Variants in FANCL observed in about 807,000 individuals in gnomAD.
The protein encoded by FANCL is E3 ubiquitin-protein ligase FANCL.
In FANCL, 69 loss-of-function variants were observed where a neutral mutation model predicts 59.4. The ratio of observed to expected loss-of-function variants is 1.16; its 90% CI spans 0.96 to 1.42. The LOEUF (loss-of-function observed/expected upper bound fraction) is 1.42. Ranked by LOEUF, FANCL falls within the 40% of genes most tolerant of loss-of-function variation. The pLI is 0.00. For missense variants in FANCL, 519 were observed against 447.2 expected (o/e 1.16, Z -1.45); for synonymous variants, 180 against 147.1 (o/e 1.22, Z -1.62).
At chr2:58,172,488 A>G (rs1000747419) in intron 7 of FANCL, among the ~76,000 whole-genome samples, 4 of 152,202 alleles carry the variant, frequency 2.6e-5, no homozygotes, top group African/African-American at 9.7e-5. Flanking sequence ...ACCCAGGCAA[A>G]CAGGGTCTGG....
intron 7 of FANCL, among the ~76,000 whole-genome samples, chr2:58,191,880 AAT>A (rs1289454166): frequency 6.6e-6 from 1 of 151,846 alleles, no homozygotes; most frequent in Non-Finnish European, 1.5e-5. Flanking sequence ...ACAACACCCC[AAT>A]TTGTTCTCAT....
chr2:58,184,977 CT>C (rs1340430822), intron 7 of FANCL, among the ~76,000 whole-genome samples: 5 of 152,210 alleles, frequency 3.3e-5, no homozygotes, highest in East Asian at 1.9e-4. Flanking sequence ...TTTAAAAAAT[CT>C]ATTTGTTGGT....
chr2:58,177,825 C>T (rs187009527), intron 7 of FANCL, among the ~76,000 whole-genome samples: 9 of 145,822 alleles, frequency 6.2e-5, no homozygotes, highest in Admixed American at 2.7e-4. Context: ...ACAAAAAAAA[C>T]CCAAATAGAC....
At chr2:58,169,897 G>C (rs1686380753) in intron 7 of FANCL, among the ~76,000 whole-genome samples, 1 of 152,132 alleles carries the variant, frequency 6.6e-6, no homozygotes, top group Non-Finnish European at 1.5e-5. Context: ...AGAAATATCA[G>C]ACTATGTGAA....
chr2:58,171,066 A>C (rs533978456), intron 7 of FANCL, among the ~76,000 whole-genome samples: 7 of 152,284 alleles, frequency 4.6e-5, no homozygotes, highest in African/African-American at 1.2e-4. Flanking sequence ...AAATTAACAA[A>C]ACATACATTC....
chr2:58,208,644 G>C (rs762438552), intron 5 of FANCL, among the ~76,000 whole-genome samples: 2 of 152,114 alleles, frequency 1.3e-5, no homozygotes, highest in Non-Finnish European at 2.9e-5. Flanking sequence ...TCAAAAGACA[G>C]ACTGAAGACC....
intron 4 of FANCL, 135 bp from the exon 5 acceptor site, chr2:58,222,177 G>A: frequency 3.1e-6 from 2 of 637,122 alleles, no homozygotes; most frequent in Non-Finnish European, 5.7e-6. Flanking sequence ...AAATCTGGCT[G>A]ACTCATTCCC....
intron 5 of FANCL, among the ~76,000 whole-genome samples, chr2:58,217,142 GATTTATATATATATTT>G (rs1691811044): frequency 1.5e-5 from 1 of 64,968 alleles, no homozygotes; most frequent in Non-Finnish European, 3.2e-5. Flanking sequence ...TTTATATATA[GATTTATATATATATTT>G]ATATATTTTA....
At chr2:58,231,999 C>T (rs1268668834) in intron 2 of FANCL, 55 bp downstream of exon 2, 11 of 1,419,620 alleles carry the variant, frequency 7.7e-6, no homozygotes, top group Non-Finnish European at 1.1e-5. Context: ...ACCAAATGTA[C>T]TGCCTGTCCC....
chr2:58,160,023 CTG>C (rs1464386210), intron 13 of FANCL, 83 bp downstream of exon 13: 6 of 1,590,874 alleles, frequency 3.8e-6, no homozygotes, highest in South Asian at 1.1e-5. Context: ...TTTAGATAAA[CTG>C]ATATACTATA....
rs1690335736 is a variant in FANCL at position 58,204,164 on chromosome 2, C to T, written c.437G>A (p.Arg146Lys). 4.3e-6 allele frequency: 7 copies of T among 1,613,230 alleles called. No homozygotes were observed. The highest frequency in any genetic ancestry group is 4.0e-5 in the African/African-American group (3 of 74,970). Residue 146 changes from arginine to lysine, a missense_variant, in exon 6 of 14, where the codon AGA becomes AAA. By Grantham distance (26) the Arg-to-Lys change is conservative. Coordinates refer to ENST00000233741, the MANE Select transcript of FANCL (RefSeq NM_018062.4). ...CAACTTGAGAGTGATTAAATGCTCTCTACCAGAAGCATCTTCTGCTTTTAA... is the reference window on the plus strand; with the variant it reads ...CAACTTGAGAGTGATTAAATGCTCTTTACCAGAAGCATCTTCTGCTTTTAA... Reference protein sequence around the residue: ...IKLKAEDASGREHLITLKLKA... With the variant: ...IKLKAEDASGKEHLITLKLKA...
chr2:58,187,745 G>C (rs1558770316), intron 7 of FANCL, among the ~76,000 whole-genome samples: 1 of 152,060 alleles, frequency 6.6e-6, no homozygotes, highest in Non-Finnish European at 1.5e-5. Flanking sequence ...TAGTAAAAGT[G>C]TTATCCTTGA....
intron 6 of FANCL, among the ~76,000 whole-genome samples, chr2:58,201,418 ACAGT>A (rs1476589685): frequency 6.6e-6 from 1 of 151,906 alleles, no homozygotes; most frequent in Non-Finnish European, 1.5e-5. Context: ...TTTATCACAC[ACAGT>A]ATTTTTTAGA....
At chr2:58,160,206 A>G in intron 12 of FANCL, 27 bp from the exon 13 acceptor site, 1 of 1,607,618 alleles carries the variant, frequency 6.2e-7, no homozygotes, top group South Asian at 1.1e-5. Context: ...ATAAAGGAGA[A>G]GCGTCAGCAT....
chr2:58,239,070 T>G (rs1370752950), intron 1 of FANCL, among the ~76,000 whole-genome samples: 1 of 152,204 alleles, frequency 6.6e-6, no homozygotes, highest in East Asian at 1.9e-4. Flanking sequence ...AATTGCCACT[T>G]CATAAATATA....
At chr2:58,240,906 A>T (rs1050713943) in intron 1 of FANCL, among the ~76,000 whole-genome samples, 1 of 152,198 alleles carries the variant, frequency 6.6e-6, no homozygotes, top group Non-Finnish European at 1.5e-5. Flanking sequence ...AAAAAAAATT[A>T]AAAAACAGTC....
At chr2:58,166,446 T>C (rs1376422606) in intron 7 of FANCL, among the ~76,000 whole-genome samples, 1 of 152,238 alleles carries the variant, frequency 6.6e-6, no homozygotes, top group African/African-American at 2.4e-5. Context: ...ATTTAACTTT[T>C]AGCCAATCTC....
intron 1 of FANCL, among the ~76,000 whole-genome samples, chr2:58,240,570 G>A (rs899472052): frequency 6.6e-6 from 1 of 152,198 alleles, no homozygotes; most frequent in African/African-American, 2.4e-5. Context: ...TCAAAGGGCT[G>A]AGGATTAAGT....
chr2:58,240,190 G>C (rs1279947685), intron 1 of FANCL, among the ~76,000 whole-genome samples: 2 of 151,778 alleles, frequency 1.3e-5, no homozygotes, highest in African/African-American at 2.4e-5. Context: ...TTTTCAGCTA[G>C]GTAATTCAAG....
Sources: allele counts gnomAD v4.1 joint callset (sites outside exome capture counted in the v4.1 genomes callset), GRCh38; gene constraint gnomAD v4.1.1; transcripts MANE v1.5; gene names NCBI Gene and HGNC (gene_info 2026-07-23, HGNC 2026-07-21).